ERCC6: variants seen among roughly 807,000 people sequenced by gnomAD.
The protein encoded by ERCC6 is ERCC excision repair 6, chromatin remodeling factor.
In ERCC6, 116 loss-of-function variants were observed where a neutral mutation model predicts 158.7. The observed-to-expected ratio is 0.73, with a 90% CI of 0.63 to 0.85. The LOEUF is 0.85. Ranked by LOEUF, ERCC6 falls within the 40% of genes least tolerant of loss-of-function variation. The pLI is 0.00. For missense variants in ERCC6, 1,698 were observed against 1,799.4 expected, an observed-to-expected ratio of 0.94 and a Z score of 1.02; for synonymous variants, 678 against 659.3, an observed-to-expected ratio of 1.03 and a Z score of -0.43.
chr10:49,449,957 T>C (rs1419443138), downstream of ERCC6, among the ~76,000 whole-genome samples: 1 of 152,096 alleles, frequency 6.6e-6, no homozygotes, highest in African/African-American at 2.4e-5. Context: ...ACTACAACCT[T>C]GACCTCCTGG....
intron 5 of ERCC6, chr10:49,516,391 T>A (rs1337326657): frequency 6.2e-7 from 1 of 1,614,076 alleles, no homozygotes; most frequent in Non-Finnish European, 8.5e-7. Context: ...TTGGAAAATT[T>A]GTCCACTGGA....
chr10:49,480,152 T>C (rs941294145), intron 10 of ERCC6, among the ~76,000 whole-genome samples: 1 of 152,146 alleles, frequency 6.6e-6, no homozygotes, highest in Non-Finnish European at 1.5e-5. Context: ...GCAGTCTATA[T>C]TTGGGCTGCT....
the ERCC6 span, among the ~76,000 whole-genome samples, chr10:49,446,309 C>T: frequency 4.6e-5 from 7 of 151,636 alleles, no homozygotes; most frequent in Non-Finnish European, 7.4e-5. Flanking sequence ...AGAGCAGGAT[C>T]AACAGCAAGA....
At chr10:49,515,984 C>G in intron 5 of ERCC6, 2 of 1,614,104 alleles carry the variant, frequency 1.2e-6, no homozygotes, top group Non-Finnish European at 1.7e-6. Context: ...CAATGTGATC[C>G]TTTCTCACTG....
downstream of ERCC6, among the ~76,000 whole-genome samples, chr10:49,454,464 C>A (rs936622036): frequency 3.9e-5 from 6 of 152,124 alleles, no homozygotes; most frequent in Non-Finnish European, 8.8e-5. Context: ...ACTGTTCTTA[C>A]CAAGATTTGG....
rs1188534373 is a variant in ERCC6, at chr10:49,456,717, TA to T, written c.*2097del. The stretch of plus-strand genomic sequence containing the variant: ...GCATGTTAAATACATTAAATCTATT[TA>T]CACTGTACAAAGCTTTTAAAGTTCT... On this transcript the variant is annotated 3_prime_UTR_variant, in exon 21 of 21. Coordinates refer to ENST00000355832, the MANE Select transcript of ERCC6 (RefSeq NM_000124.4). The T allele has an allele frequency of 3.3e-5, 5 of 152,256 alleles. No homozygotes were observed. Among genetic ancestry groups the T allele is most frequent in the African/African-American group, 9.6e-5 (4 of 41,462 alleles). 9.4% of individuals were successfully genotyped at this position (152,256 alleles called of 1,614,324 possible). A position where few individuals can be genotyped will look rare whatever the true frequency, so the allele number is the denominator to read the frequency against.
intron 10 of ERCC6, among the ~76,000 whole-genome samples, chr10:49,482,465 G>C (rs2132551273): frequency 6.6e-6 from 1 of 151,618 alleles, no homozygotes; most frequent in East Asian, 1.9e-4. Flanking sequence ...TTTTATTCTA[G>C]GGCTTTCCTC....
At position 49,460,369 on chromosome 10, in the gene ERCC6, T is replaced by C. The variant is rs1292564387; in HGVS notation, c.4062+4A>G. The C allele has an allele frequency of 6.2e-7, 1 of 1,606,656 alleles. No homozygotes were observed. Among genetic ancestry groups the C allele is most frequent in the East Asian group, 2.2e-5 (1 of 44,852 alleles). ...CTGGAAAGCAAAAAGGTTATCTATA[T>C]TACCTGGCACTTCTCTGTTGGAGAT... On this transcript the variant is annotated splice_donor_region_variant and intron_variant, in intron 20 of 20. Transcript: ENST00000355832.
At chr10:49,471,254 C>T (rs1564729738) in intron 16 of ERCC6, 134 bp from the exon 17 acceptor site, 5 of 846,654 alleles carry the variant, frequency 5.9e-6, no homozygotes, top group Non-Finnish European at 9.4e-6. Flanking sequence ...AACTTTCAGC[C>T]TTGGAAAATT....
chr10:49,486,648 A>C (rs557674774), intron 8 of ERCC6, among the ~76,000 whole-genome samples: 1 of 152,356 alleles, frequency 6.6e-6, no homozygotes, highest in African/African-American at 2.4e-5. Flanking sequence ...ACATTTTGAC[A>C]GATATGATAG....
At chr10:49,516,745 C>G (rs569503220) in intron 5 of ERCC6, 2 of 1,614,118 alleles carry the variant, frequency 1.2e-6, no homozygotes, top group Non-Finnish European at 1.7e-6. Context: ...CTACCTGCTA[C>G]GGGTTGTACA....
At chr10:49,473,359 C>G (rs764464618) in intron 14 of ERCC6, 118 bp downstream of exon 14, 1 of 821,838 alleles carries the variant, frequency 1.2e-6, no homozygotes, top group Non-Finnish European at 2.2e-6. Context: ...TCCCCTTAGG[C>G]CCCCTCCCAA....
At chr10:49,522,770 C>G (rs1345141361) in intron 5 of ERCC6, among the ~76,000 whole-genome samples, 1 of 152,158 alleles carries the variant, frequency 6.6e-6, no homozygotes, top group East Asian at 1.9e-4. Flanking sequence ...GCTCACTGTT[C>G]AAGAGTACTG....
downstream of ERCC6, among the ~76,000 whole-genome samples, chr10:49,454,147 CT>C (rs1019172929): frequency 1.4e-4 from 21 of 150,904 alleles, no homozygotes; most frequent in African/African-American, 5.1e-4. Flanking sequence ...TTTTTTTTCT[CT>C]CTGTTCTTTG....
At chr10:49,500,423 G>T in intron 7 of ERCC6, 115 bp downstream of exon 7, 1 of 1,268,686 alleles carries the variant, frequency 7.9e-7, no homozygotes, top group Non-Finnish European at 1.1e-6. Context: ...AAGAATTAAA[G>T]GAATATTGTA....
chr10:49,468,120 C>T (rs928390329), intron 18 of ERCC6, among the ~76,000 whole-genome samples: 3 of 152,132 alleles, frequency 2.0e-5, no homozygotes, highest in Admixed American at 6.5e-5. Context: ...TCCTCTAATT[C>T]GAAAAGTTAA....
chr10:49,502,415 A>C (rs1002376666), intron 6 of ERCC6: 1 of 152,208 alleles, frequency 6.6e-6, no homozygotes, highest in African/African-American at 2.4e-5. Context: ...AATTCCGAAA[A>C]TATGTGGTAT....
intron 6 of ERCC6, 28 bp downstream of exon 6, chr10:49,505,856 T>C (rs763507073): frequency 6.2e-7 from 1 of 1,612,092 alleles, no homozygotes; most frequent in Non-Finnish European, 8.5e-7. Context: ...TGATAGCAAA[T>C]AGAAAGGAAA....
intron 8 of ERCC6, among the ~76,000 whole-genome samples, chr10:49,484,293 A>G (rs867686654): frequency 2.2e-5 from 3 of 135,166 alleles, no homozygotes; most frequent in African/African-American, 6.8e-5. Flanking sequence ...AAAAAAAAAG[A>G]AAAAAAAAAA....
Sources: gnomAD v4.1 joint callset for allele counts (sites outside exome capture counted in the v4.1 genomes callset) on GRCh38, gnomAD v4.1.1 for gene constraint, MANE v1.5 for transcripts, NCBI Gene and HGNC (gene_info 2026-07-23, HGNC 2026-07-21) for gene names.